The following ODAD1 variants were observed in gnomAD, a reference collection of about 807,000 sequenced individuals.
ODAD1 encodes the protein outer dynein arm docking complex subunit 1, also known as outer dynein arm-docking complex subunit 1.
A neutral mutation model predicts 67.2 loss-of-function variants in ODAD1; 49 were observed. That is an observed-to-expected ratio of 0.73 (90% CI 0.58 to 0.92). ODAD1 has a LOEUF of 0.92. Ranked by LOEUF, ODAD1 falls within the 40% of genes least tolerant of loss-of-function variation. The pLI, the probability that ODAD1 is intolerant of heterozygous loss-of-function variation, is 0.00. For missense variants in ODAD1, 897 were observed against 953.7 expected (o/e 0.94, Z 0.78); for synonymous variants, 345 against 393.7 (o/e 0.88, Z 1.46).
chr19:48,302,763 G>A lies in ODAD1; in HGVS notation c.1171C>T (p.His391Tyr), dbSNP rs559542917. The change falls in exon 12 of 16, where the codon CAC becomes TAC. Residue 391 changes from histidine to tyrosine, a missense_variant. By Grantham distance (83) the His-to-Tyr change is moderately conservative. Transcript: ENST00000674294. ...GCCTCAAGGCGCTCAGCCTCCGAGT[G>A]CACCTTGTCCATGCGCTGCTGCAAC... ...KVLQQRMDKV[H>Y]SEAERLEARF... The A allele has an allele frequency of 1.2e-6, 2 of 1,613,810 alleles. No homozygotes were observed. The highest frequency in any genetic ancestry group is 2.7e-5 in the African/African-American group (2 of 75,074).
intron 10 of ODAD1, chr19:48,303,405 G>C (rs1241908756): frequency 5.0e-6 from 3 of 605,724 alleles, no homozygotes; most frequent in African/African-American, 1.9e-5. Context: ...AACAGAGAGG[G>C]ACAGGGTTGA....
At chr19:48,309,573 C>T (rs1358578338) in intron 7 of ODAD1, among the ~76,000 whole-genome samples, 2 of 152,210 alleles carry the variant, frequency 1.3e-5, no homozygotes, top group Non-Finnish European at 2.9e-5. Context: ...TCATCTTGCT[C>T]ACGCTCCACT....
At chr19:48,299,379 C>T (rs758684720) in intron 12 of ODAD1, among the ~76,000 whole-genome samples, 10 of 152,102 alleles carry the variant, frequency 6.6e-5, no homozygotes, top group Non-Finnish European at 8.8e-5. Flanking sequence ...CCACTGCTCT[C>T]CAGCCTGGCT....
rs770879217 is a variant in ODAD1 at position 48,318,792 on chromosome 19, G to C, written c.91C>G (p.Leu31Val). ...EGMVDWELSR[L>V]QRQCKVMEGE... Reference sequence around the variant, plus strand: ...TCCATCACTTTGCATTGTCGCTGCAGCCTACTCAGCTCCCAATCCACTGAG... The same window carrying C: ...TCCATCACTTTGCATTGTCGCTGCACCCTACTCAGCTCCCAATCCACTGAG... Residue 31 changes from leucine to valine, a missense_variant, in exon 4 of 16, where the codon CTG becomes GTG. Transcript: ENST00000674294. The C allele has an allele frequency of 6.5e-7, 1 of 1,550,116 alleles. No individual in the cohort carries two copies. Among genetic ancestry groups the C allele is most frequent in the Non-Finnish European group, 8.7e-7 (1 of 1,146,004 alleles).
At chr19:48,303,135 A>T (rs372378437) in intron 10 of ODAD1, 40 bp from the exon 11 acceptor site, 2 of 1,391,548 alleles carry the variant, frequency 1.4e-6, no homozygotes, top group African/African-American at 2.8e-5. Flanking sequence ...AGAGAGGGAG[A>T]CAGAGAAACA....
intron 5 of ODAD1, among the ~76,000 whole-genome samples, chr19:48,316,317 T>C (rs767303566): frequency 7.2e-5 from 11 of 151,856 alleles, no homozygotes; most frequent in African/African-American, 9.7e-5. Flanking sequence ...GAGACAGAGG[T>C]TGCAGTGAGT....
intron 5 of ODAD1, among the ~76,000 whole-genome samples, chr19:48,315,336 G>A (rs1968869618): frequency 6.6e-6 from 1 of 152,210 alleles, no homozygotes; most frequent in Admixed American, 6.5e-5. Context: ...CCTGAGGTCA[G>A]GAGTTCGAGA....
Position 48,303,067 on chromosome 19 carries a change from G to C in ODAD1, c.1017C>G (p.Asn339Lys). ...GCTCCAAGTTCTGCTCGTTGATGAA[G>C]TTGAACTCAGCAAAGTTGCGCTCCT... ...EIEERNFAEF[N>K]FINEQNLELE... Residue 339 changes from asparagine (N) to lysine (K), a missense_variant, in exon 11 of 16, where the codon AAC becomes AAG. Physicochemically the swap from Asn to Lys is moderately conservative, Grantham distance 94 (BLOSUM62 0). Transcript: ENST00000674294. 6.2e-7 allele frequency: 1 copy of C among 1,614,180 alleles called. No homozygotes were observed. The highest frequency in any genetic ancestry group is 1.3e-5 in the African/African-American group (1 of 75,072).
At chr19:48,300,264 C>A (rs537052988) in intron 12 of ODAD1, among the ~76,000 whole-genome samples, 5 of 152,132 alleles carry the variant, frequency 3.3e-5, no homozygotes, top group Non-Finnish European at 7.3e-5. Context: ...GATTGTGCCA[C>A]TGCACTCCAG....
Position 48,310,574 on chromosome 19 carries a change from T to C in ODAD1, c.597+979A>G, listed in dbSNP as rs140531044. ...CTTAGGAAATGCTCTCTCAAGTACTTAGGAGCATAATGTCTACAACATATT... is the reference window on the plus strand; with the variant it reads ...CTTAGGAAATGCTCTCTCAAGTACTCAGGAGCATAATGTCTACAACATATT... On this transcript the variant is annotated intron_variant, in intron 7 of 15. Coordinates refer to ENST00000674294, the MANE Select transcript of ODAD1 (RefSeq NM_001364171.2). Among the ~76,000 whole-genome samples, 179 of 152,268 alleles carry C rather than the reference T, an allele frequency of 1.2e-3. 1 individual carries two copies. The highest frequency in any genetic ancestry group is 1.9e-3 in the African/African-American group (79 of 41,544).
intron 8 of ODAD1, 39 bp from the exon 9 acceptor site, chr19:48,304,179 G>T: frequency 6.4e-7 from 1 of 1,561,676 alleles, no homozygotes; most frequent in Non-Finnish European, 8.7e-7. Flanking sequence ...CTGGAGGCTG[G>T]ACTGGGGTCG....
chr19:48,305,474 G>A (rs529794051), intron 8 of ODAD1, among the ~76,000 whole-genome samples: 8 of 150,598 alleles, frequency 5.3e-5, no homozygotes, highest in East Asian at 3.9e-4. Flanking sequence ...GTGCAATCTC[G>A]GCTCACTGCA....
chr19:48,297,512 G>A lies in ODAD1; in HGVS notation c.1588C>T (p.Leu530Phe). ...LLSQVEKLVE[L>F]QEQAEAQRQK... ...CGCTGCGCCTCCGCCTGCTCCTGGA[G>A]CTCCACCTGCAGGGAAGGTGAACTG... Residue 530 changes from leucine to phenylalanine, a missense_variant, in exon 16 of 16, where the codon CTC becomes TTC. Physicochemically the swap from Leu to Phe is conservative, Grantham distance 22 (BLOSUM62 0). Coordinates refer to ENST00000674294, the MANE Select transcript of ODAD1 (RefSeq NM_001364171.2). 6.2e-7 allele frequency: 1 copy of A among 1,604,276 alleles called. No individual in the cohort carries two copies. Among genetic ancestry groups the A allele is most frequent in the Non-Finnish European group, 8.5e-7 (1 of 1,176,122 alleles).
Position 48,311,562 on chromosome 19 carries a change from C to T in ODAD1, c.588G>A (p.Lys196=), listed in dbSNP as rs1569008969. ...DRNRYLNVDR[K]LKKEIHHLHH... ...TTTCAGGGCCACTGACCTTCTTCAG[C>T]TTGCGGTCCACGTTCAGATAGCGGT... The change falls in exon 7 of 16, where the codon AAG becomes AAA. Residue 196 remains lysine (K), a synonymous_variant. Transcript: ENST00000674294. The T allele has an allele frequency of 1.3e-6, 2 of 1,547,424 alleles. No individual in the cohort carries two copies. Among genetic ancestry groups the T allele is most frequent in the Non-Finnish European group, 1.7e-6 (2 of 1,143,422 alleles).
chr19:48,298,749 G>A (rs979331809), intron 12 of ODAD1, among the ~76,000 whole-genome samples: 2 of 152,168 alleles, frequency 1.3e-5, no homozygotes, highest in Non-Finnish European at 2.9e-5. Flanking sequence ...TTGCACCCCA[G>A]ACTGAGTTAG....
intron 7 of ODAD1, among the ~76,000 whole-genome samples, chr19:48,309,080 C>T (rs1042890139): frequency 1.3e-5 from 2 of 152,108 alleles, no homozygotes; most frequent in South Asian, 2.1e-4. Context: ...AAAGCACCAC[C>T]GCACCCCCCT....
intron 7 of ODAD1, among the ~76,000 whole-genome samples, chr19:48,308,591 A>G (rs1426447528): frequency 6.6e-6 from 1 of 152,242 alleles, no homozygotes; most frequent in Non-Finnish European, 1.5e-5. Flanking sequence ...AGAATCATTC[A>G]TGGATGATAA....
chr19:48,320,936 A>T (rs1969015688), intron 1 of ODAD1, 125 bp from the exon 2 acceptor site: 1 of 153,184 alleles, frequency 6.5e-6, no homozygotes, highest in Non-Finnish European at 1.5e-5. Flanking sequence ...GTTCCCACGG[A>T]CTGAGAACTG....
At chr19:48,307,863 A>G (rs1177527227) in intron 7 of ODAD1, among the ~76,000 whole-genome samples, 1 of 151,680 alleles carries the variant, frequency 6.6e-6, no homozygotes, top group Non-Finnish European at 1.5e-5. Context: ...TAGTGCCTCA[A>G]CACCTACTCT....
Sources: gnomAD v4.1 joint callset for allele counts (sites outside exome capture counted in the v4.1 genomes callset) on GRCh38, gnomAD v4.1.1 for gene constraint, MANE v1.5 for transcripts, NCBI Gene and HGNC (gene_info 2026-07-23, HGNC 2026-07-21) for gene names.